The following RBFOX1 variants were observed in gnomAD, a reference collection of about 807,000 sequenced individuals.
The protein encoded by RBFOX1 is RNA binding protein fox-1 homolog 1.
Under a neutral mutation model 57.7 loss-of-function variants are expected in RBFOX1, and 8 were observed. The observed-to-expected ratio is 0.14, with a 90% CI of 0.08 to 0.25. The LOEUF is 0.25. Among genes scored for constraint, RBFOX1 ranks in the 10% least tolerant of loss-of-function variants. The pLI, the probability that RBFOX1 is intolerant of heterozygous loss-of-function variation, is 1.00. For missense variants in RBFOX1, 611 were observed against 548.5 expected (o/e 1.11, Z -1.14); for synonymous variants, 326 against 222.4 (o/e 1.47, Z -4.15).
intron 1 of RBFOX1, among the ~76,000 whole-genome samples, chr16:6,216,771 C>G (rs1242475677): frequency 6.6e-6 from 1 of 152,132 alleles, no homozygotes. Flanking sequence ...AACTAAAAAG[C>G]AAATTCTTTT....
chr16:7,571,040 C>T (rs1023526275), intron 5 of RBFOX1, among the ~76,000 whole-genome samples: 5 of 152,144 alleles, frequency 3.3e-5, no homozygotes, highest in African/African-American at 1.2e-4. Context: ...AGTGAGAACA[C>T]ATGGACACAG....
chr16:7,038,961 T>C (rs1213072613), intron 3 of RBFOX1, among the ~76,000 whole-genome samples: 8 of 152,164 alleles, frequency 5.3e-5, no homozygotes, highest in Non-Finnish European at 1.0e-4. Flanking sequence ...AACCAACACT[T>C]GAATCTCTCC....
chr16:5,655,384 C>T (rs1406302903), intron 3 of RBFOX1, among the ~76,000 whole-genome samples: 2 of 152,188 alleles, frequency 1.3e-5, no homozygotes, highest in Non-Finnish European at 2.9e-5. Context: ...TCAAGCATCA[C>T]AGACTTTCTC....
chr16:6,122,476 C>G (rs532608961), intron 1 of RBFOX1, among the ~76,000 whole-genome samples: 70 of 152,140 alleles, frequency 4.6e-4, no homozygotes, highest in African/African-American at 1.6e-3. Context: ...CTTTTCTTTG[C>G]TATTTTCACC....
intron 4 of RBFOX1, among the ~76,000 whole-genome samples, chr16:6,002,233 T>A (rs908320873): frequency 6.6e-6 from 1 of 152,208 alleles, no homozygotes; most frequent in Admixed American, 6.5e-5. Flanking sequence ...CGCCCCAGCC[T>A]GCCAAAGTTC....
chr16:7,348,165 A>T (rs905016684), intron 4 of RBFOX1, among the ~76,000 whole-genome samples: 3 of 152,238 alleles, frequency 2.0e-5, no homozygotes, highest in African/African-American at 7.2e-5. Flanking sequence ...AACAAAAAGC[A>T]CAAACAAACA....
chr16:5,423,835 C>G (rs554534019), intron 1 of RBFOX1, among the ~76,000 whole-genome samples: 3 of 152,112 alleles, frequency 2.0e-5, no homozygotes, highest in Non-Finnish European at 4.4e-5. Flanking sequence ...TTGTTGTCTT[C>G]TCGAGCTCCA....
In RBFOX1 at chr16:5,778,817, G is replaced by A. The variant is rs999621703; in HGVS notation, c.319-88486G>A. Among the ~76,000 whole-genome samples the A allele has an allele frequency of 3.3e-5, 5 of 152,226 alleles. No homozygotes were observed. The South Asian group carries it at 6.2e-4, about 19-fold the overall frequency. On this transcript the variant is annotated intron_variant, in intron 3 of 19. Transcript: ENST00000641259. ...GTGCAAGCTCAGATAAAAGTTACAC[G>A]TCCTCTTGGTGCCTCGGTTTTCCCA...
intron 1 of RBFOX1, among the ~76,000 whole-genome samples, chr16:6,020,251 C>T (rs150512002): frequency 1.7e-4 from 26 of 152,212 alleles, no homozygotes; most frequent in African/African-American, 6.3e-4. Flanking sequence ...CAGAGCGCCC[C>T]TCCGAAGCAT....
At chr16:5,339,517 G>C (rs1285205319) in intron 1 of RBFOX1, among the ~76,000 whole-genome samples, 2 of 100,500 alleles carry the variant, frequency 2.0e-5, no homozygotes, top group Non-Finnish European at 3.9e-5. Context: ...GAGTCTTGCT[G>C]GGTCACTCAG....
intron 4 of RBFOX1, among the ~76,000 whole-genome samples, chr16:5,922,770 A>C (rs1000070084): frequency 6.6e-6 from 1 of 152,230 alleles, no homozygotes; most frequent in Non-Finnish European, 1.5e-5. Context: ...TTAATTACTT[A>C]AAGTAAATTT....
At chr16:5,913,843 T>C (rs1051378717) in intron 4 of RBFOX1, among the ~76,000 whole-genome samples, 3 of 152,268 alleles carry the variant, frequency 2.0e-5, no homozygotes, top group East Asian at 1.9e-4. Flanking sequence ...GTACCTATCA[T>C]GTACCAGACA....
chr16:5,897,345 T>G (rs1355480619), intron 4 of RBFOX1, among the ~76,000 whole-genome samples: 6 of 150,290 alleles, frequency 4.0e-5, no homozygotes, highest in Admixed American at 4.0e-4. Flanking sequence ...CTCCATCCGC[T>G]TTTAAACAGA....
At chr16:7,488,356 C>T (rs8054543) in intron 4 of RBFOX1, among the ~76,000 whole-genome samples, 138,522 of 152,180 alleles carry the variant, frequency 0.91, 64,456 homozygotes, top group East Asian at 1. Context: ...TGGATAGATA[C>T]ACATTTAGAT....
intron 4 of RBFOX1, among the ~76,000 whole-genome samples, chr16:7,390,269 C>G (rs1289854300): frequency 6.6e-6 from 1 of 152,170 alleles, no homozygotes; most frequent in East Asian, 1.9e-4. Context: ...GAGGGACACA[C>G]AGCCAAACCA....
chr16:7,694,443 A>T lies in RBFOX1; in HGVS notation c.996-14613A>T, dbSNP rs139088740. On this transcript the variant is annotated intron_variant, in intron 14 of 15. Transcript: ENST00000550418. The stretch of plus-strand genomic sequence containing the variant: ...CATGCACCCAACTATCTCTGTTCTA[A>T]AAGGCAGGGTCAGTTTTATTTATAT... Among the ~76,000 whole-genome samples, 436 of 152,342 alleles carry T rather than the reference A, an allele frequency of 2.9e-3. 2 individuals are homozygous for T. Among genetic ancestry groups the T allele is most frequent in the African/African-American group, 9.9e-3 (412 of 41,586 alleles).
intron 2 of RBFOX1, among the ~76,000 whole-genome samples, chr16:6,555,830 T>C (rs1258594828): frequency 1.3e-5 from 2 of 152,230 alleles, no homozygotes; most frequent in East Asian, 3.9e-4. Flanking sequence ...TCTAGACATT[T>C]TCTTACTATG....
chr16:6,792,601 A>T (rs1374994021), intron 3 of RBFOX1, among the ~76,000 whole-genome samples: 1 of 152,208 alleles, frequency 6.6e-6, no homozygotes. Flanking sequence ...CTACGAAGTC[A>T]GGGTTGCAAA....
intron 3 of RBFOX1, among the ~76,000 whole-genome samples, chr16:6,906,434 C>G (rs878940609): frequency 3.9e-5 from 6 of 152,096 alleles, no homozygotes; most frequent in Non-Finnish European, 5.9e-5. Flanking sequence ...AAAATAGCCT[C>G]TGGCCTGTGG....
Sources: allele counts gnomAD v4.1 joint callset (sites outside exome capture counted in the v4.1 genomes callset), GRCh38; gene constraint gnomAD v4.1.1; transcripts MANE v1.5; gene names NCBI Gene and HGNC (gene_info 2026-07-23, HGNC 2026-07-21).